The following IFT27 variants were observed in gnomAD, a reference collection of about 807,000 sequenced individuals.
IFT27 encodes the protein intraflagellar transport 27, also known as intraflagellar transport protein 27 homolog.
Under a neutral mutation model 23.9 loss-of-function variants are expected in IFT27, and 19 were observed. The ratio of observed to expected loss-of-function variants is 0.79; its 90% CI spans 0.55 to 1.16. The LOEUF (loss-of-function observed/expected upper bound fraction) is 1.16, where lower values mean the gene tolerates loss of function less well. Ranked by LOEUF, IFT27 falls within the 50% of genes most tolerant of loss-of-function variation. The pLI is 0.00. For missense variants in IFT27, 206 were observed against 228.7 expected, an observed-to-expected ratio of 0.90 and a Z score of 0.64; for synonymous variants, 91 against 89.1, an observed-to-expected ratio of 1.02 and a Z score of -0.12.
At chr22:36,768,332 G>A (rs181695479) in intron 1 of IFT27, 1 of 341,040 alleles carries the variant, frequency 2.9e-6, no homozygotes, top group Non-Finnish European at 5.8e-6. Context: ...TGTGGGGCGT[G>A]GGGGGTGGAA....
chr22:36,773,261 A>G (rs1444607249), intron 1 of IFT27, among the ~76,000 whole-genome samples: 1 of 152,158 alleles, frequency 6.6e-6, no homozygotes, highest in Admixed American at 6.5e-5. Context: ...CGGGAGGCTG[A>G]GGCAGGGAAT....
intron 5 of IFT27, chr22:36,763,633 T>C: frequency 2.0e-6 from 1 of 507,620 alleles, no homozygotes; most frequent in Non-Finnish European, 3.6e-6. Context: ...GGGGTTAGCT[T>C]TCTGGAATTA....
intron 5 of IFT27, 197 bp downstream of exon 5, chr22:36,763,722 T>C: frequency 1.5e-6 from 1 of 669,182 alleles, no homozygotes; most frequent in East Asian, 2.8e-5. Flanking sequence ...TCCCGTTTCC[T>C]AGACTGGGAG....
intron 1 of IFT27, 93 bp downstream of exon 1, chr22:36,775,581 G>A: frequency 7.4e-7 from 1 of 1,355,252 alleles, no homozygotes. Flanking sequence ...AAAGGAAAAG[G>A]TAGGCAATTT....
chr22:36,770,337 C>T (rs978868631), intron 1 of IFT27, among the ~76,000 whole-genome samples: 5 of 152,112 alleles, frequency 3.3e-5, no homozygotes, highest in Admixed American at 6.5e-5. Flanking sequence ...AGTGACCCTG[C>T]CCTGGCCTGG....
intron 1 of IFT27, among the ~76,000 whole-genome samples, chr22:36,773,302 G>A (rs1244538575): frequency 6.6e-6 from 1 of 151,986 alleles, no homozygotes; most frequent in Non-Finnish European, 1.5e-5. Flanking sequence ...AAGTTGCAGT[G>A]AGCTAAGGTT....
At chr22:36,760,977 G>A (rs571515526) in intron 6 of IFT27, 22 of 167,146 alleles carry the variant, frequency 1.3e-4, no homozygotes, top group African/African-American at 5.1e-4. Flanking sequence ...CCTTGGCTGC[G>A]TCTCAAGCTG....
Position 36,758,355 on chromosome 22 carries a change from G to A in IFT27, c.517C>T (p.Gln173Ter), listed in dbSNP as rs1937987385. The A allele has an allele frequency of 2.5e-6, 4 of 1,614,172 alleles. No homozygotes were observed. In the South Asian group the frequency reaches 3.3e-5, roughly 13 times the overall value. The change falls in exon 7 of 7, where the codon CAG becomes TAG. Residue 173 changes from glutamine (Q) to a stop codon, truncating the protein, a stop_gained. Transcript: ENST00000433985. LOFTEE classifies it high-confidence loss of function. ...ACCTCCACCTTCTCCCGGTACAGCT[G>A]GTGGAACTGCTTGGCAAGGCAGTGG... Reference protein sequence around the residue: ...PFHCLAKQFHQLYREKVEVFR... With the variant: ...PFHCLAKQFH
At chr22:36,772,232 T>C (rs757717143) in intron 1 of IFT27, among the ~76,000 whole-genome samples, 1 of 152,112 alleles carries the variant, frequency 6.6e-6, no homozygotes, top group Non-Finnish European at 1.5e-5. Flanking sequence ...TCTATTACCA[T>C]CTCCATGTAT....
At chr22:36,768,825 C>T (rs183896257) in intron 1 of IFT27, among the ~76,000 whole-genome samples, 2 of 152,300 alleles carry the variant, frequency 1.3e-5, no homozygotes, top group Admixed American at 6.5e-5. Context: ...CGTGGACTTG[C>T]ACTCCACCGT....
chr22:36,775,841 G>T lies in IFT27; in HGVS notation c.-134C>A. 1.3e-6 allele frequency: 1 copy of T among 796,278 alleles called. No homozygotes were observed. The highest frequency in any genetic ancestry group is 1.4e-5 in the South Asian group (1 of 72,266). 49.3% of individuals were successfully genotyped at this position (796,278 alleles called of 1,614,324 possible). On this transcript the variant is annotated 5_prime_UTR_variant, in exon 1 of 7. Transcript: ENST00000433985. ...GGGAGGGCTGATCTCAAGGGTCAGTGGCCGCGACGGGACTGGGGATGACCG... is the reference window on the plus strand; with the variant it reads ...GGGAGGGCTGATCTCAAGGGTCAGTTGCCGCGACGGGACTGGGGATGACCG...
Position 36,767,847 on chromosome 22 carries a change from C to A in IFT27, c.50G>T (p.Gly17Val). The A allele has an allele frequency of 6.2e-7, 1 of 1,614,066 alleles. No individual in the cohort carries two copies. Among genetic ancestry groups the A allele is most frequent in the Non-Finnish European group, 8.5e-7 (1 of 1,179,906 alleles). The change falls in exon 2 of 7, where the codon GGC becomes GTC. Residue 17 changes from glycine (G) to valine (V), a missense_variant. Coordinates refer to ENST00000433985, the MANE Select transcript of IFT27 (RefSeq NM_001177701.3). The stretch of plus-strand genomic sequence containing the variant: ...GAAGATCTGTGCCAGGGCGGTCTTG[C>A]CCACTGCTGGGTCTCCTGTGAGATC... Reference protein sequence around the residue: ...KCILAGDPAVGKTALAQIFRS... With the variant: ...KCILAGDPAVVKTALAQIFRS...
chr22:36,773,254 G>C (rs968946510), intron 1 of IFT27, among the ~76,000 whole-genome samples: 4 of 152,186 alleles, frequency 2.6e-5, no homozygotes, highest in African/African-American at 9.7e-5. Flanking sequence ...GGCTGCTCGG[G>C]AGGCTGAGGC....
At chr22:36,766,332 C>G in intron 3 of IFT27, 135 bp from the exon 4 acceptor site, 1 of 720,482 alleles carries the variant, frequency 1.4e-6, no homozygotes. Flanking sequence ...CATGCTCTGT[C>G]TTTTCTCCCA....
At chr22:36,764,536 G>A (rs9622476) in intron 4 of IFT27, among the ~76,000 whole-genome samples, 18,394 of 152,298 alleles carry the variant, frequency 0.12, 1,709 homozygotes, top group African/African-American at 0.26. Flanking sequence ...CCACCACCAT[G>A]CAAGTTACAT....
At chr22:36,773,931 A>C (rs1434216132) in intron 1 of IFT27, among the ~76,000 whole-genome samples, 1 of 152,244 alleles carries the variant, frequency 6.6e-6, no homozygotes, top group Non-Finnish European at 1.5e-5. Flanking sequence ...TGATGCACCC[A>C]AAGCGCCAGT....
Position 36,767,763 on chromosome 22 carries a change from G to A in IFT27, c.114+20C>T, listed in dbSNP as rs572455967. 4.4e-6 allele frequency: 7 copies of A among 1,604,950 alleles called. No individual in the cohort carries two copies. Among genetic ancestry groups the A allele is most frequent in the Non-Finnish European group, 5.1e-6 (6 of 1,171,788 alleles). Reference sequence around the variant, plus strand: ...GCACTTCTCTATAAGCTGTGGCCAGGTCTTGACACCCCAGCTCACCAGGGT... The same window carrying A: ...GCACTTCTCTATAAGCTGTGGCCAGATCTTGACACCCCAGCTCACCAGGGT... On this transcript the variant is annotated intron_variant, in intron 2 of 6. Transcript: ENST00000433985.
chr22:36,768,392 T>A (rs1303147653), intron 1 of IFT27: 2 of 284,986 alleles, frequency 7.0e-6, no homozygotes, highest in African/African-American at 4.4e-5. Context: ...TGTTCATCAT[T>A]CTGAAATCTC....
intron 4 of IFT27, 47 bp from the exon 5 acceptor site, chr22:36,764,083 G>T: frequency 7.2e-7 from 1 of 1,386,648 alleles, no homozygotes; most frequent in Non-Finnish European, 1.0e-6. Context: ...CAGGAAAAGT[G>T]ACTTCAAGGC....
Sources: allele counts gnomAD v4.1 joint callset (sites outside exome capture counted in the v4.1 genomes callset), GRCh38; gene constraint gnomAD v4.1.1; transcripts MANE v1.5; gene names NCBI Gene and HGNC (gene_info 2026-07-23, HGNC 2026-07-21).